Variants in SLURP1 observed in about 807,000 individuals in gnomAD.
SLURP1 encodes secreted LY6/PLAUR domain containing 1.
A neutral mutation model predicts 7.9 loss-of-function variants in SLURP1; 2 were observed. That is an observed-to-expected ratio of 0.25 (90% CI 0.10 to 0.79). SLURP1 has a LOEUF of 0.79. Among genes scored for constraint, SLURP1 ranks in the 30% least tolerant of loss-of-function variants. The pLI is 0.69. For missense variants in SLURP1, 111 were observed against 139.8 expected, an observed-to-expected ratio of 0.79 and a Z score of 1.04; for synonymous variants, 59 against 54.9, an observed-to-expected ratio of 1.07 and a Z score of -0.33.
chr8:142,741,327 G>C lies in SLURP1; in HGVS notation c.179-51C>G. 6.5e-7 allele frequency: 1 copy of C among 1,535,720 alleles called. No individual in the cohort carries two copies. The highest frequency in any genetic ancestry group is 1.2e-5 in the South Asian group (1 of 84,138). ...CCTCACTCCCCTGCAGCGCCTGCCT[G>C]CTGCTGCACTGCTCCCAGCCGCCGT... is the stretch of plus-strand genomic sequence containing the variant. On this transcript the variant is annotated intron_variant, in intron 2 of 2. Transcript: ENST00000246515. The surrounding 1 kb of genome is among the most constrained non-coding windows in gnomAD (Gnocchi z 4.3).
At position 142,740,998 on chromosome 8, in the gene SLURP1, G is replaced by T; in HGVS notation, c.*145C>A. 1.7e-6 allele frequency: 2 copies of T among 1,177,352 alleles called. No homozygotes were observed. Among genetic ancestry groups the T allele is most frequent in the South Asian group, 1.3e-5 (1 of 77,226 alleles). 72.9% of individuals were successfully genotyped at this position (1,177,352 alleles called of 1,614,324 possible). Reference sequence around the variant, plus strand: ...GCGTGGGGTATGGAAGGCAGAGGGCGCCCCTGGTGTGCTTCTCTCCCCTCA... The same window carrying T: ...GCGTGGGGTATGGAAGGCAGAGGGCTCCCCTGGTGTGCTTCTCTCCCCTCA... On this transcript the variant is annotated 3_prime_UTR_variant, in exon 3 of 3. Coordinates refer to ENST00000246515, the MANE Select transcript of SLURP1 (RefSeq NM_020427.3).
intron 1 of SLURP1, 104 bp downstream of exon 1, chr8:142,742,224 T>A (rs1376556741): frequency 7.9e-7 from 1 of 1,272,398 alleles, no homozygotes; most frequent in African/African-American, 1.5e-5. Context: ...CATGGAGGCC[T>A]AAGGAGGCTC....
chr8:142,742,158 G>C (rs1815881972), intron 1 of SLURP1, among the ~76,000 whole-genome samples, 170 bp downstream of exon 1: 1 of 152,172 alleles, frequency 6.6e-6, no homozygotes. Flanking sequence ...CCTGTCCCAG[G>C]GTGAAGCTGG....
intron 1 of SLURP1, among the ~76,000 whole-genome samples, 199 bp from the exon 2 acceptor site, chr8:142,742,121 CCCTT>C (rs1443441867): frequency 2.6e-5 from 4 of 152,220 alleles, no homozygotes; most frequent in African/African-American, 4.8e-5. Context: ...GCCTCAGTCT[CCCTT>C]CCTGCAGAGT....
chr8:142,742,236 C>G lies in SLURP1; in HGVS notation c.58+92G>C, dbSNP rs1011982329. 8.6e-6 allele frequency: 12 copies of G among 1,394,158 alleles called. No individual in the cohort carries two copies. The African/African-American group carries it at 1.7e-4, about 20-fold the overall frequency. 86.4% of individuals were successfully genotyped at this position (1,394,158 alleles called of 1,614,324 possible). Reference sequence around the variant, plus strand: ...CCTCATGGAGGCCTAAGGAGGCTCTCAGCCACAAAGCACCCCCAACAGCCC... The same window carrying G: ...CCTCATGGAGGCCTAAGGAGGCTCTGAGCCACAAAGCACCCCCAACAGCCC... On this transcript the variant is annotated intron_variant, in intron 1 of 2. Coordinates refer to ENST00000246515, the MANE Select transcript of SLURP1 (RefSeq NM_020427.3).
Position 142,741,024 on chromosome 8 carries a change from G to T in SLURP1, c.*119C>A. On this transcript the variant is annotated 3_prime_UTR_variant, in exon 3 of 3. Transcript: ENST00000246515. The surrounding 1 kb of genome is among the most constrained non-coding windows in gnomAD (Gnocchi z 4.3). ...CCCCTGGTGTGCTTCTCTCCCCTCA[G>T]ACCCCATGAGTGAGCTGTGCCACAG... 1 of 1,478,576 alleles carries T rather than the reference G, an allele frequency of 6.8e-7. No individual in the cohort carries two copies. Among genetic ancestry groups the T allele is most frequent in the Non-Finnish European group, 9.3e-7 (1 of 1,078,110 alleles). The allele number at this position is 1,478,576 out of a possible 1,614,324, so 91.6% of individuals were successfully genotyped here.
intron 1 of SLURP1, 60 bp downstream of exon 1, chr8:142,742,268 C>A: frequency 7.0e-6 from 11 of 1,563,486 alleles, no homozygotes; most frequent in South Asian, 1.1e-5. Context: ...GCCCCATCCC[C>A]CTAGGAGGTG....
At position 142,741,007 on chromosome 8, in the gene SLURP1, G is replaced by T; in HGVS notation, c.*136C>A. The T allele has an allele frequency of 7.6e-7, 1 of 1,322,406 alleles. No individual in the cohort carries two copies. Among genetic ancestry groups the T allele is most frequent in the Non-Finnish European group, 1.1e-6 (1 of 943,444 alleles). The allele number at this position is 1,322,406 out of a possible 1,614,324, so 81.9% of individuals were successfully genotyped here. ...ATGGAAGGCAGAGGGCGCCCCTGGT[G>T]TGCTTCTCTCCCCTCAGACCCCATG... On this transcript the variant is annotated 3_prime_UTR_variant, in exon 3 of 3. Coordinates refer to ENST00000246515, the MANE Select transcript of SLURP1 (RefSeq NM_020427.3). The surrounding 1 kb of genome is among the most constrained non-coding windows in gnomAD (Gnocchi z 4.3).
chr8:142,741,704 C>T lies in SLURP1; in HGVS notation c.178+99G>A. On this transcript the variant is annotated intron_variant, in intron 2 of 2. Coordinates refer to ENST00000246515, the MANE Select transcript of SLURP1 (RefSeq NM_020427.3). This position sits in a 1 kb window ranked among gnomAD's most constrained non-coding sequence, Gnocchi z 4.3. ...CCTGTTCTGCCCATCCCACCTGCTG[C>T]CTTTTGGGCCGGGAGGAGCACCAGC... 1.9e-6 allele frequency: 3 copies of T among 1,579,816 alleles called. No homozygotes were observed. Among genetic ancestry groups the T allele is most frequent in the Non-Finnish European group, 2.6e-6 (3 of 1,165,656 alleles).
Position 142,741,963 on chromosome 8 carries a change from G to C in SLURP1, c.59-41C>G. On this transcript the variant is annotated intron_variant, in intron 1 of 2. Coordinates refer to ENST00000246515, the MANE Select transcript of SLURP1 (RefSeq NM_020427.3). The surrounding 1 kb of genome is among the most constrained non-coding windows in gnomAD (Gnocchi z 4.3). ...GGGCAGAACCTCATCACCTGACCTC[G>C]GTGGCCTCATCCTGGAACCAGGAGG... is the stretch of plus-strand genomic sequence containing the variant. The C allele has an allele frequency of 6.2e-7, 1 of 1,606,068 alleles. No homozygotes were observed. The highest frequency in any genetic ancestry group is 8.5e-7 in the Non-Finnish European group (1 of 1,179,674).
chr8:142,742,065 C>G (rs960448719), intron 1 of SLURP1, 143 bp from the exon 2 acceptor site: 21 of 1,354,270 alleles, frequency 1.6e-5, no homozygotes, highest in Non-Finnish European at 2.1e-5. Flanking sequence ...GCAGCTTTCT[C>G]TAACTGAGCT....
In SLURP1 at chr8:142,741,045, C is replaced by T; in HGVS notation, c.*98G>A. On this transcript the variant is annotated 3_prime_UTR_variant, in exon 3 of 3. Transcript: ENST00000246515. This position sits in a 1 kb window ranked among gnomAD's most constrained non-coding sequence, Gnocchi z 4.3. ...CTCAGACCCCATGAGTGAGCTGTGC[C>T]ACAGCAGCAGGAAGCAGGGGGAGGT... 1 of 1,567,144 alleles carries T rather than the reference C, an allele frequency of 6.4e-7. No individual in the cohort carries two copies. Among genetic ancestry groups the T allele is most frequent in the Non-Finnish European group, 8.7e-7 (1 of 1,153,768 alleles).
In SLURP1 at chr8:142,740,989, G is replaced by T; in HGVS notation, c.*154C>A. 1 of 1,090,238 alleles carries T rather than the reference G, an allele frequency of 9.2e-7. No individual in the cohort carries two copies. The highest frequency in any genetic ancestry group is 1.3e-6 in the Non-Finnish European group (1 of 743,800). 67.5% of individuals were successfully genotyped at this position (1,090,238 alleles called of 1,614,324 possible). On this transcript the variant is annotated 3_prime_UTR_variant, in exon 3 of 3. Transcript: ENST00000246515. ...GTTTTATAAGCGTGGGGTATGGAAG[G>T]CAGAGGGCGCCCCTGGTGTGCTTCT...
chr8:142,742,142 G>A (rs762522746), intron 1 of SLURP1, among the ~76,000 whole-genome samples, 186 bp downstream of exon 1: 4 of 152,180 alleles, frequency 2.6e-5, no homozygotes, highest in Non-Finnish European at 4.4e-5. Flanking sequence ...GAGTGGAGCC[G>A]TGACCCCTGT....
In SLURP1 at chr8:142,741,125, C is replaced by T. The variant is rs201936557; in HGVS notation, c.*18G>A. On this transcript the variant is annotated 3_prime_UTR_variant, in exon 3 of 3. Coordinates refer to ENST00000246515, the MANE Select transcript of SLURP1 (RefSeq NM_020427.3). This position sits in a 1 kb window ranked among gnomAD's most constrained non-coding sequence, Gnocchi z 4.3. ...GAGGAGGTGCCTGAGGAGCACCTTC[C>T]GCCCTGCCGCCCTGGGTTCAGAGTT... 354 of 1,601,668 alleles carry T rather than the reference C, an allele frequency of 2.2e-4. 2 individuals are homozygous for T. The African/African-American group carries it at 4.3e-3, about 20-fold the overall frequency.
chr8:142,741,211 G>A lies in SLURP1; in HGVS notation c.244C>T (p.Pro82Ser), dbSNP rs1181208026. The A allele has an allele frequency of 1.2e-6, 2 of 1,610,316 alleles. No individual in the cohort carries two copies. The highest frequency in any genetic ancestry group is 1.7e-6 in the Non-Finnish European group (2 of 1,179,882). Residue 82 changes from proline (P) to serine (S), a missense_variant, in exon 3 of 3, where the codon CCC becomes TCC. By Grantham distance (74) the Pro-to-Ser change is moderately conservative. Coordinates refer to ENST00000246515, the MANE Select transcript of SLURP1 (RefSeq NM_020427.3). The surrounding 1 kb of genome is among the most constrained non-coding windows in gnomAD (Gnocchi z 4.3). ...SCSSSCVATD[P>S]DSIGAAHLIF... ...AGGTGGGCGGCCCCGATGCTGTCGG[G>A]GTCGGTGGCCACACAGGAGCTGGAG...
In SLURP1 at chr8:142,741,818, C is replaced by G; in HGVS notation, c.163G>C (p.Val55Leu). 6.2e-7 allele frequency: 1 copy of G among 1,612,582 alleles called. No homozygotes were observed. The highest frequency in any genetic ancestry group is 8.5e-7 in the Non-Finnish European group (1 of 1,180,008). The change falls in exon 2 of 3, where the codon GTG becomes CTG. Residue 55 changes from valine to leucine, a missense_variant. Coordinates refer to ENST00000246515, the MANE Select transcript of SLURP1 (RefSeq NM_020427.3). This position sits in a 1 kb window ranked among gnomAD's most constrained non-coding sequence, Gnocchi z 4.3. The part of the protein sequence containing the change: ...PEDTACMTTL[V>L]TVEAEYPFNQ... ...CTGGCCTCACCTGCCTCCACCGTCA[C>G]CAGCGTGGTCATGCAGGCTGTGTCC...
chr8:142,742,169 G>T lies in SLURP1; in HGVS notation c.58+159C>A, dbSNP rs1815882152. The stretch of plus-strand genomic sequence containing the variant: ...GACCCCTGTCCCAGGGTGAAGCTGG[G>T]CTCTGGGACCCAGGAGGCTCACTGA... On this transcript the variant is annotated intron_variant, in intron 1 of 2. Transcript: ENST00000246515. 1.3e-5 allele frequency among the ~76,000 whole-genome samples: 2 copies of T among 152,146 alleles called. 1 individual carries two copies. Among genetic ancestry groups the T allele is most frequent in the South Asian group, 4.1e-4 (2 of 4,824 alleles).
rs1026226752 is a variant in SLURP1, at chr8:142,741,742, C to T, written c.178+61G>A. 6.2e-7 allele frequency: 1 copy of T among 1,600,598 alleles called. No homozygotes were observed. Among genetic ancestry groups the T allele is most frequent in the Non-Finnish European group, 8.5e-7 (1 of 1,179,444 alleles). Reference sequence around the variant, plus strand: ...GAGGAGCACCAGCAAAGGAGGGAGGCACTTGGGGGAGGTGGCCCTGACTCC... The same window carrying T: ...GAGGAGCACCAGCAAAGGAGGGAGGTACTTGGGGGAGGTGGCCCTGACTCC... On this transcript the variant is annotated intron_variant, in intron 2 of 2. Coordinates refer to ENST00000246515, the MANE Select transcript of SLURP1 (RefSeq NM_020427.3). This position sits in a 1 kb window ranked among gnomAD's most constrained non-coding sequence, Gnocchi z 4.3.
Sources: allele counts gnomAD v4.1 joint callset (sites outside exome capture counted in the v4.1 genomes callset), GRCh38; gene constraint gnomAD v4.1.1; non-coding constraint Gnocchi (gnomAD v3.1); transcripts MANE v1.5; gene names NCBI Gene and HGNC (gene_info 2026-07-23, HGNC 2026-07-21).